The following UNC5D variants were observed in gnomAD, a reference collection of about 807,000 sequenced individuals.
UNC5D encodes unc-5 netrin receptor D, also known as netrin receptor UNC5D.
Under a neutral mutation model 105.4 loss-of-function variants are expected in UNC5D, and 39 were observed. The observed-to-expected ratio is 0.37, with a 90% CI of 0.29 to 0.48. The LOEUF (loss-of-function observed/expected upper bound fraction) is 0.48, where lower values mean the gene tolerates loss of function less well. Among genes scored for constraint, UNC5D ranks in the 20% least tolerant of loss-of-function variants. The pLI is 0.98. For missense variants in UNC5D, 991 were observed against 1,202.4 expected (o/e 0.82, Z 2.60); for synonymous variants, 452 against 450.4 (o/e 1.00, Z -0.04).
At chr8:35,327,392 G>T (rs897646544) in intron 1 of UNC5D, among the ~76,000 whole-genome samples, 1 of 152,136 alleles carries the variant, frequency 6.6e-6, no homozygotes, top group Non-Finnish European at 1.5e-5. Context: ...ATCTCATGCC[G>T]ATGACCCGTG....
intron 1 of UNC5D, among the ~76,000 whole-genome samples, chr8:35,312,140 G>A (rs577418493): frequency 6.6e-6 from 1 of 152,248 alleles, no homozygotes; most frequent in African/African-American, 2.4e-5. Flanking sequence ...ATTGAATGCT[G>A]TCACAGCACC....
chr8:35,497,667 C>T (rs766690852), intron 1 of UNC5D, among the ~76,000 whole-genome samples: 19 of 149,084 alleles, frequency 1.3e-4, no homozygotes, highest in African/African-American at 1.7e-4. Context: ...AAAAAAAAGA[C>T]GGGGGAATAA....
intron 4 of UNC5D, among the ~76,000 whole-genome samples, chr8:35,655,075 C>A (rs563579288): frequency 6.6e-6 from 1 of 152,280 alleles, no homozygotes; most frequent in East Asian, 1.9e-4. Context: ...TTCAGTGTTT[C>A]TTTTCTCTAA....
chr8:35,513,364 G>A (rs1042802055), intron 1 of UNC5D, among the ~76,000 whole-genome samples: 14 of 151,994 alleles, frequency 9.2e-5, no homozygotes, highest in African/African-American at 3.1e-4. Context: ...AAGTAGCTGG[G>A]ATTACAGGCA....
chr8:35,300,297 A>C (rs1386114324), intron 1 of UNC5D, among the ~76,000 whole-genome samples: 12 of 151,860 alleles, frequency 7.9e-5, no homozygotes, highest in Admixed American at 2.6e-4. Flanking sequence ...AAAATACAAA[A>C]ATTAGCTGGT....
At chr8:35,527,288 T>C (rs1813946046) in intron 1 of UNC5D, among the ~76,000 whole-genome samples, 1 of 152,206 alleles carries the variant, frequency 6.6e-6, no homozygotes, top group South Asian at 2.1e-4. Flanking sequence ...ATAATCATTG[T>C]ATTCCAGAGC....
chr8:35,302,168 T>C (rs1256925869), intron 1 of UNC5D, among the ~76,000 whole-genome samples: 2 of 152,170 alleles, frequency 1.3e-5, no homozygotes, highest in African/African-American at 4.8e-5. Flanking sequence ...ATATTTGAAA[T>C]ATTTATTTAG....
At chr8:35,404,977 A>G (rs1191874320) in intron 1 of UNC5D, among the ~76,000 whole-genome samples, 2 of 152,158 alleles carry the variant, frequency 1.3e-5, no homozygotes, top group Non-Finnish European at 2.9e-5. Context: ...TAGACGCTAT[A>G]CTTCAATATT....
intron 1 of UNC5D, among the ~76,000 whole-genome samples, chr8:35,301,834 T>A (rs1807982802): frequency 6.6e-6 from 1 of 152,126 alleles, no homozygotes; most frequent in Non-Finnish European, 1.5e-5. Flanking sequence ...TCACGGAATT[T>A]GATTTAAAAA....
At chr8:35,350,590 C>A (rs758570831) in intron 1 of UNC5D, among the ~76,000 whole-genome samples, 4 of 151,940 alleles carry the variant, frequency 2.6e-5, no homozygotes, top group Non-Finnish European at 5.9e-5. Context: ...GATTTCAAAA[C>A]CTCTAGCTTT....
chr8:35,700,004 T>C (rs1020579138), intron 7 of UNC5D, among the ~76,000 whole-genome samples: 2 of 152,216 alleles, frequency 1.3e-5, no homozygotes, highest in African/African-American at 2.4e-5. Context: ...CTTTGAACAC[T>C]CGGAGGAGAA....
intron 12 of UNC5D, among the ~76,000 whole-genome samples, chr8:35,748,959 T>C (rs763051642): frequency 1.3e-4 from 20 of 152,166 alleles, no homozygotes; most frequent in Non-Finnish European, 2.6e-4. Flanking sequence ...TACACCTACA[T>C]ACCTGCTCAT....
intron 4 of UNC5D, among the ~76,000 whole-genome samples, chr8:35,627,375 G>T (rs1011149329): frequency 1.3e-5 from 2 of 152,106 alleles, no homozygotes; most frequent in African/African-American, 4.8e-5. Context: ...GAGAATCAGG[G>T]GAGCTGCAGA....
chr8:35,696,893 A>G (rs1000885100), intron 7 of UNC5D, among the ~76,000 whole-genome samples: 1 of 152,080 alleles, frequency 6.6e-6, no homozygotes, highest in African/African-American at 2.4e-5. Flanking sequence ...GTTCAGTGGA[A>G]TGGAAAATTG....
chr8:35,339,075 G>A (rs752470911), intron 1 of UNC5D, among the ~76,000 whole-genome samples: 1 of 152,122 alleles, frequency 6.6e-6, no homozygotes, highest in Admixed American at 6.5e-5. Context: ...AGAGAACTTA[G>A]AGAACAGACC....
chr8:35,656,747 G>A lies in UNC5D; in HGVS notation c.571-26800G>A, dbSNP rs1037759343. On this transcript the variant is annotated intron_variant, in intron 4 of 16. Coordinates refer to ENST00000404895, the MANE Select transcript of UNC5D (RefSeq NM_080872.4). ...CCAATAGCAGGACATTTCTCAATGTGTAAAGTATCTACTCTAGGCCACACA... is the reference window on the plus strand; with the variant it reads ...CCAATAGCAGGACATTTCTCAATGTATAAAGTATCTACTCTAGGCCACACA... Among the ~76,000 whole-genome samples the A allele has an allele frequency of 3.3e-5, 5 of 152,014 alleles. No homozygotes were observed. In the South Asian group the frequency reaches 1.0e-3, roughly 31 times the overall value.
At chr8:35,245,066 A>G (rs1803007693) in intron 1 of UNC5D, among the ~76,000 whole-genome samples, 1 of 152,112 alleles carries the variant, frequency 6.6e-6, no homozygotes, top group Non-Finnish European at 1.5e-5. Flanking sequence ...AATTTTTTAG[A>G]AGTATACTAG....
chr8:35,563,757 T>A (rs754015814), intron 2 of UNC5D, among the ~76,000 whole-genome samples: 1 of 152,174 alleles, frequency 6.6e-6, no homozygotes, highest in Non-Finnish European at 1.5e-5. Context: ...AGGTTTGTCA[T>A]ATATGGCCTT....
intron 7 of UNC5D, 119 bp downstream of exon 7, chr8:35,686,828 G>C (rs1355857146): frequency 7.7e-7 from 1 of 1,302,906 alleles, no homozygotes; most frequent in Admixed American, 3.2e-5. Context: ...AAGCTGCTAA[G>C]GGCAAAAATA....
Sources: gnomAD v4.1 joint callset for allele counts (sites outside exome capture counted in the v4.1 genomes callset) on GRCh38, gnomAD v4.1.1 for gene constraint, MANE v1.5 for transcripts, NCBI Gene and HGNC (gene_info 2026-07-23, HGNC 2026-07-21) for gene names.